Variants in SNX1 observed in about 807,000 individuals in gnomAD.
SNX1 encodes the protein sorting nexin-1.
Under a neutral mutation model 71.8 loss-of-function variants are expected in SNX1, and 36 were observed. That is an observed-to-expected ratio of 0.50 (90% confidence interval 0.38 to 0.66). The LOEUF (loss-of-function observed/expected upper bound fraction) is 0.66, where lower values mean the gene tolerates loss of function less well. SNX1 is among the 30% of genes least tolerant of loss of function. The pLI is 0.00. For synonymous variants in SNX1, 254 were observed against 240.7 expected, an observed-to-expected ratio of 1.06 and a Z score of -0.51; for missense variants, 612 against 646.7, an observed-to-expected ratio of 0.95 and a Z score of 0.58.
intron 1 of SNX1, chr15:64,111,498 T>C (rs1412655486): frequency 6.6e-6 from 1 of 152,236 alleles, no homozygotes; most frequent in African/African-American, 2.4e-5. Context: ...TGGGGAAATA[T>C]CAAACAAGGG....
intron 2 of SNX1, among the ~76,000 whole-genome samples, chr15:64,116,428 G>A (rs1189740643): frequency 6.6e-6 from 1 of 152,188 alleles, no homozygotes; most frequent in Non-Finnish European, 1.5e-5. Flanking sequence ...TCCCACCCCA[G>A]AGTCAGATTA....
chr15:64,122,677 G>T (rs77552665), intron 4 of SNX1, among the ~76,000 whole-genome samples: 1 of 152,092 alleles, frequency 6.6e-6, no homozygotes, highest in African/African-American at 2.4e-5. Flanking sequence ...AATCAAGGGT[G>T]GGGGAGGCAG....
chr15:64,136,939 A>C lies in SNX1; in HGVS notation c.1518+7A>C. On this transcript the variant is annotated splice_region_variant and intron_variant, in intron 14 of 14. Coordinates refer to ENST00000559844, the MANE Select transcript of SNX1 (RefSeq NM_003099.5). The stretch of plus-strand genomic sequence containing the variant: ...CCTTTACTCACAGCAGCAGGTATGT[A>C]AGTTGTGTGTGACCTTCATCCTCTA... 1 of 1,612,352 alleles carries C rather than the reference A, an allele frequency of 6.2e-7. No homozygotes were observed. Among genetic ancestry groups the C allele is most frequent in the Non-Finnish European group, 8.5e-7 (1 of 1,178,582 alleles).
At position 64,134,834 on chromosome 15, in the gene SNX1, G is replaced by A. The variant is rs2081341299; in HGVS notation, c.1365+27G>A. 6.2e-7 allele frequency: 1 copy of A among 1,612,406 alleles called. No individual in the cohort carries two copies. The highest frequency in any genetic ancestry group is 8.5e-7 in the Non-Finnish European group (1 of 1,179,426). On this transcript the variant is annotated intron_variant, in intron 12 of 14. Transcript: ENST00000559844. The surrounding 1 kb of genome is among the most constrained non-coding windows in gnomAD (Gnocchi z 4.1). ...TGAGTCCACTGAGGCAGCCCAGCCA[G>A]GGGTGTTCTGCTGGTTCCAAATGAA... is the stretch of plus-strand genomic sequence containing the variant.
In SNX1 at chr15:64,126,782, G is replaced by A. The variant is rs575295712; in HGVS notation, c.653-392G>A. 4.6e-5 allele frequency among the ~76,000 whole-genome samples: 7 copies of A among 152,196 alleles called. No homozygotes were observed. The South Asian group carries it at 8.3e-4, about 18-fold the overall frequency. On this transcript the variant is annotated intron_variant, in intron 6 of 14. Coordinates refer to ENST00000559844, the MANE Select transcript of SNX1 (RefSeq NM_003099.5). The stretch of plus-strand genomic sequence containing the variant: ...TTTAGTAGAAACAGGGTTTTACCAC[G>A]TTGGCCAGGATGGTCTTGATCTCTT...
Position 64,129,937 on chromosome 15 carries a change from C to G in SNX1, c.829C>G (p.Gln277Glu). The G allele has an allele frequency of 6.2e-7, 1 of 1,614,038 alleles. No homozygotes were observed. Among genetic ancestry groups the G allele is most frequent in the Non-Finnish European group, 8.5e-7 (1 of 1,179,934 alleles). Residue 277 changes from glutamine (Q) to glutamate (E), a missense_variant, in exon 9 of 15, where the codon CAG becomes GAG. By Grantham distance (29) the Gln-to-Glu change is conservative. Around this residue, in one of 2 missense-constraint regions of SNX1, gnomAD observed 296 missense variants for 361.9 expected, o/e 0.82. Transcript: ENST00000559844. The surrounding 1 kb of genome is among the most constrained non-coding windows in gnomAD (Gnocchi z 4.4). Reference protein sequence around the residue: ...KEELPRAVGTQTLSGAGLLKM... With the variant: ...KEELPRAVGTETLSGAGLLKM... ...GTAGCTGCCACGTGCCGTGGGTACC[C>G]AGACATTGAGTGGTGCTGGTCTCCT...
intron 14 of SNX1, 26 bp downstream of exon 14, chr15:64,136,958 T>A (rs1486371166): frequency 1.3e-6 from 2 of 1,596,638 alleles, no homozygotes; most frequent in South Asian, 2.2e-5. Flanking sequence ...GTGACCTTCA[T>A]CCTCTACTGC....
chr15:64,103,096 A>T (rs1032463873), intron 1 of SNX1, among the ~76,000 whole-genome samples: 10 of 152,086 alleles, frequency 6.6e-5, no homozygotes, highest in African/African-American at 2.2e-4. Flanking sequence ...CCATTCATCC[A>T]TTCATGGACA....
rs530206995 is a variant in SNX1, at chr15:64,113,612, G to T, written c.271+928G>T. On this transcript the variant is annotated intron_variant, in intron 2 of 14. Coordinates refer to ENST00000559844, the MANE Select transcript of SNX1 (RefSeq NM_003099.5). ...AGGTGGGTGGATCACTTGAGGTCAG[G>T]AGTTTGAGACCAGCCTGGCCAACGT... Among the ~76,000 whole-genome samples the T allele has an allele frequency of 5.8e-3, 887 of 152,280 alleles. 3 individuals are homozygous for T. Among genetic ancestry groups the T allele is most frequent in the Non-Finnish European group, 8.2e-3 (559 of 68,022 alleles).
At chr15:64,127,031 T>C in intron 6 of SNX1, 143 bp from the exon 7 acceptor site, 1 of 630,810 alleles carries the variant, frequency 1.6e-6, no homozygotes, top group Non-Finnish European at 2.8e-6. Flanking sequence ...GAACCTTTTG[T>C]TCATCCCTGC....
intron 4 of SNX1, among the ~76,000 whole-genome samples, chr15:64,119,913 T>C (rs1231500310): frequency 1.3e-5 from 2 of 152,202 alleles, no homozygotes; most frequent in African/African-American, 4.8e-5. Context: ...TTTATACACA[T>C]ACTTTTGATA....
intron 12 of SNX1, among the ~76,000 whole-genome samples, chr15:64,135,181 G>A (rs892303858): frequency 4.6e-5 from 7 of 151,828 alleles, no homozygotes; most frequent in Non-Finnish European, 7.4e-5. Flanking sequence ...GCAGTGGCGC[G>A]ATCTCAGCTC....
chr15:64,135,116 T>C (rs1017273958), intron 12 of SNX1, among the ~76,000 whole-genome samples: 2 of 151,116 alleles, frequency 1.3e-5, no homozygotes, highest in African/African-American at 4.9e-5. Context: ...AGGTTTTTTT[T>C]GTTTGTTTTT....
At position 64,096,121 on chromosome 15, in the gene SNX1, T is replaced by A. The variant is rs748632516; in HGVS notation, c.108T>A (p.Ala36=). Residue 36 remains alanine, a synonymous_variant, in exon 1 of 15, where the codon GCT becomes GCA. Coordinates refer to ENST00000559844, the MANE Select transcript of SNX1 (RefSeq NM_003099.5). ...EGAAGGSEPE[A]GDSDTEGEDI... ...CGGCCGGGGGATCAGAACCCGAGGC[T>A]GGGGACAGCGACACCGAGGGGGAGG... is the stretch of plus-strand genomic sequence containing the variant. 1 of 1,558,988 alleles carries A rather than the reference T, an allele frequency of 6.4e-7. No individual in the cohort carries two copies. Among genetic ancestry groups the A allele is most frequent in the Non-Finnish European group, 8.7e-7 (1 of 1,152,400 alleles).
In SNX1 at chr15:64,131,490, C is replaced by T. The variant is rs797006224; in HGVS notation, c.1016-197C>T. 136 of 585,614 alleles carry T rather than the reference C, an allele frequency of 2.3e-4. 1 individual carries two copies. In the South Asian group the frequency reaches 3.0e-3, roughly 13 times the overall value. The allele number at this position is 585,614 out of a possible 1,614,324, so 36.3% of individuals were successfully genotyped here. A position where few individuals can be genotyped will look rare whatever the true frequency, so the allele number is the denominator to read the frequency against. On this transcript the variant is annotated intron_variant, in intron 10 of 14. Coordinates refer to ENST00000559844, the MANE Select transcript of SNX1 (RefSeq NM_003099.5). Reference sequence around the variant, plus strand: ...CTCAGGACAGCTGGTGCCTCTCCCTCCTGCTCCTGTGACCAGGCCACATTC... The same window carrying T: ...CTCAGGACAGCTGGTGCCTCTCCCTTCTGCTCCTGTGACCAGGCCACATTC...
Position 64,123,563 on chromosome 15 carries a change from C to G in SNX1, c.510+17C>G. The stretch of plus-strand genomic sequence containing the variant: ...ACAACACAGGTGAGTCCAGGTGACC[C>G]TGCTGATGACCATCTTCATAGACTT... On this transcript the variant is annotated intron_variant, in intron 5 of 14. Transcript: ENST00000559844. 6.2e-7 allele frequency: 1 copy of G among 1,606,550 alleles called. No homozygotes were observed. Among genetic ancestry groups the G allele is most frequent in the East Asian group, 2.2e-5 (1 of 44,846 alleles).
rs1044563640 is a variant in SNX1, at chr15:64,134,440, G to A, written c.1222-224G>A. The A allele has an allele frequency of 1.8e-6, 1 of 548,466 alleles. No individual in the cohort carries two copies. Among genetic ancestry groups the A allele is most frequent in the Non-Finnish European group, 3.2e-6 (1 of 309,040 alleles). 34.0% of individuals were successfully genotyped at this position (548,466 alleles called of 1,614,324 possible). On this transcript the variant is annotated intron_variant, in intron 11 of 14. Transcript: ENST00000559844. This position sits in a 1 kb window ranked among gnomAD's most constrained non-coding sequence, Gnocchi z 4.1. The stretch of plus-strand genomic sequence containing the variant: ...TCCCTGCCATCCAGCCCTGGGAGTA[G>A]CATGAAGCAGCATGGCACTGGCCTT...
Position 64,142,517 on chromosome 15 carries a change from G to A in SNX1, c.*4899G>A, listed in dbSNP as rs931069696. 5.0e-6 allele frequency: 2 copies of A among 400,120 alleles called. No individual in the cohort carries two copies. Among genetic ancestry groups the A allele is most frequent in the Non-Finnish European group, 1.0e-5 (2 of 199,202 alleles). 24.8% of individuals were successfully genotyped at this position (400,120 alleles called of 1,614,324 possible). On this transcript the variant is annotated 3_prime_UTR_variant, in exon 15 of 15. Transcript: ENST00000559844. The stretch of plus-strand genomic sequence containing the variant: ...AATGGGGTCCAGAGCACAGGAAGGG[G>A]ACCTGTGTTCAGAGGGTGCCTCACT...
chr15:64,110,410 T>TTTTG (rs1412710887), intron 1 of SNX1, among the ~76,000 whole-genome samples: 7 of 152,110 alleles, frequency 4.6e-5, no homozygotes, highest in African/African-American at 1.7e-4. Context: ...GTTTGTTTTG[T>TTTTG]TTTTGAGGCA....
Sources: gnomAD v4.1 joint callset for allele counts (sites outside exome capture counted in the v4.1 genomes callset) on GRCh38, gnomAD v4.1.1 for gene constraint, gnomAD v4.1.1 regional missense constraint, Gnocchi (gnomAD v3.1) non-coding constraint, MANE v1.5 for transcripts, NCBI Gene and HGNC (gene_info 2026-07-23, HGNC 2026-07-21) for gene names.